Variants in ACSL3 observed in about 807,000 individuals in gnomAD.
The protein encoded by ACSL3 is acyl-CoA synthetase long chain family member 3.
ACSL3 carries 34 observed loss-of-function variants against 84.7 expected under a neutral mutation model. The ratio of observed to expected loss-of-function variants is 0.40; its 90% CI spans 0.31 to 0.53. The LOEUF is 0.53. ACSL3 is among the 20% of genes least tolerant of loss of function. The probability of loss-of-function intolerance (pLI) is 0.48; values close to 1 mark genes in which losing one functional copy is unlikely to be tolerated. For synonymous variants in ACSL3, 315 were observed against 299.4 expected (o/e 1.05, Z -0.54); for missense variants, 680 against 873.1 (o/e 0.78, Z 2.79).
At chr2:222,872,318 G>C (rs952888838) in intron 1 of ACSL3, among the ~76,000 whole-genome samples, 2 of 151,948 alleles carry the variant, frequency 1.3e-5, no homozygotes, top group African/African-American at 4.8e-5. Context: ...TAGAGACAGG[G>C]TTTTACCATG....
rs1398128288 is a variant in ACSL3 at position 222,882,990 on chromosome 2, A to C, written c.-206-4840A>C. 1.2e-4 allele frequency among the ~76,000 whole-genome samples: 3 copies of C among 25,970 alleles called. No individual in the cohort carries two copies. The East Asian group carries it at 0.012, about 103-fold the overall frequency. The allele number at this position is 25,970 out of a possible 152,430, so 17.0% of individuals were successfully genotyped here. On this transcript the variant is annotated intron_variant, in intron 1 of 16. Coordinates refer to ENST00000357430, the MANE Select transcript of ACSL3 (RefSeq NM_004457.5). ...CGCTGTGTTAGCCAGGATGGGCTCGAATCTCCTGACCTTGTGATCTGCCTG... is the reference window on the plus strand; with the variant it reads ...CGCTGTGTTAGCCAGGATGGGCTCGCATCTCCTGACCTTGTGATCTGCCTG...
In ACSL3 at chr2:222,908,935, A is replaced by C; in HGVS notation, c.163A>C (p.Ile55Leu). ...SESRQEKSNR[I>L]KAKPVNSKPD... ...GTCAAGACAAGAAAAATCAAACCGA[A>C]TTAAAGCAAAGCCTGTAAATTCAAA... The change falls in exon 4 of 17, where the codon ATT becomes CTT. Residue 55 changes from isoleucine (I) to leucine (L), a missense_variant. Coordinates refer to ENST00000357430, the MANE Select transcript of ACSL3 (RefSeq NM_004457.5). The C allele has an allele frequency of 1.2e-6, 2 of 1,613,248 alleles. No homozygotes were observed. The highest frequency in any genetic ancestry group is 1.7e-6 in the Non-Finnish European group (2 of 1,179,726).
intron 16 of ACSL3, among the ~76,000 whole-genome samples, chr2:222,936,789 C>CA (rs1408736371): frequency 9.2e-5 from 14 of 152,002 alleles, no homozygotes; most frequent in Non-Finnish European, 1.9e-4. Context: ...ACTTACTGTA[C>CA]ATTTGTGGCA....
chr2:222,940,524 A>ATTTTTTTTTTTTTTTCTTTTTTTT, intron 16 of ACSL3, among the ~76,000 whole-genome samples: 1 of 151,498 alleles, frequency 6.6e-6, no homozygotes. Context: ...TGCAGCATAT[A>ATTTTTTTTTTTTTTTCTTTTTTTT]ATGAAGTTTC....
chr2:222,891,731 G>A (rs994458717), intron 2 of ACSL3, among the ~76,000 whole-genome samples: 2 of 152,122 alleles, frequency 1.3e-5, no homozygotes, highest in Non-Finnish European at 2.9e-5. Context: ...GCTTTTTCAT[G>A]TAGATATATT....
At chr2:222,926,726 A>G (rs947185800) in intron 11 of ACSL3, among the ~76,000 whole-genome samples, 8 of 152,232 alleles carry the variant, frequency 5.3e-5, no homozygotes, top group Admixed American at 3.3e-4. Context: ...ATAATGATAT[A>G]AAAGTGGCCA....
chr2:222,868,260 T>C (rs1204307328), intron 1 of ACSL3, among the ~76,000 whole-genome samples: 1 of 152,180 alleles, frequency 6.6e-6, no homozygotes, highest in Admixed American at 6.5e-5. Flanking sequence ...ATTGCTTGGA[T>C]TGGAATCCGG....
intron 1 of ACSL3, among the ~76,000 whole-genome samples, chr2:222,880,610 C>T (rs180743071): frequency 2.9e-4 from 44 of 151,974 alleles, no homozygotes; most frequent in African/African-American, 8.9e-4. Flanking sequence ...GGGCGGATCA[C>T]GAGATCAGGA....
chr2:222,927,765 C>T (rs533514297), intron 12 of ACSL3, among the ~76,000 whole-genome samples: 15 of 152,210 alleles, frequency 9.9e-5, no homozygotes, highest in South Asian at 2.1e-4. Flanking sequence ...TTTTGCTTTC[C>T]GGTACAGGAT....
In ACSL3 at chr2:222,927,044, G is replaced by T; in HGVS notation, c.1320G>T (p.Leu440Phe). The T allele has an allele frequency of 6.2e-7, 1 of 1,613,460 alleles. No homozygotes were observed. The highest frequency in any genetic ancestry group is 8.5e-7 in the Non-Finnish European group (1 of 1,179,476). Residue 440 changes from leucine (L) to phenylalanine (F), a missense_variant, in exon 12 of 17, where the codon TTG becomes TTT. Leu to Phe is a conservative substitution (Grantham distance 22). This residue lies in a region of ACSL3 where 347 missense variants were observed against 525.7 expected (regional missense o/e 0.66). Transcript: ENST00000357430. ...DSFVFRKVRS[L>F]LGGNIRLLLC... ...TTGTTTTCCGGAAAGTTCGAAGCTT[G>T]CTAGGGGGAAATATTCGTCTCCTGT...
chr2:222,921,536 CTGTT>C, intron 8 of ACSL3, 106 bp downstream of exon 8: 2 of 1,129,690 alleles, frequency 1.8e-6, no homozygotes, highest in East Asian at 4.8e-5. Flanking sequence ...CCCTCAGAGT[CTGTT>C]TGTAGTAGGC....
intron 1 of ACSL3, among the ~76,000 whole-genome samples, chr2:222,872,483 C>A (rs924234446): frequency 1.3e-5 from 2 of 152,100 alleles, no homozygotes; most frequent in Non-Finnish European, 2.9e-5. Context: ...AATTATTATT[C>A]TTAACATCTG....
intron 15 of ACSL3, 33 bp downstream of exon 15, chr2:222,933,313 A>C (rs192599820): frequency 4.1e-6 from 6 of 1,472,990 alleles, no homozygotes; most frequent in African/African-American, 1.4e-5. Context: ...ACTTTTACTT[A>C]AAATATTTGA....
intron 4 of ACSL3, among the ~76,000 whole-genome samples, chr2:222,910,127 T>C (rs896310239): frequency 2.6e-5 from 4 of 152,226 alleles, no homozygotes; most frequent in Admixed American, 2.6e-4. Context: ...ATTAGATTAC[T>C]ATTATCTTGA....
At chr2:222,926,775 T>A (rs1696885587) in intron 11 of ACSL3, among the ~76,000 whole-genome samples, 1 of 152,164 alleles carries the variant, frequency 6.6e-6, no homozygotes. Context: ...AAACTAAACC[T>A]GACAATTCAA....
intron 2 of ACSL3, among the ~76,000 whole-genome samples, chr2:222,894,135 C>T (rs1264659891): frequency 6.6e-6 from 1 of 152,124 alleles, no homozygotes; most frequent in Non-Finnish European, 1.5e-5. Context: ...CCACTTCATA[C>T]CTTTTGGAAG....
intron 16 of ACSL3, among the ~76,000 whole-genome samples, chr2:222,935,651 T>G (rs887342689): frequency 1.3e-5 from 2 of 152,234 alleles, no homozygotes; most frequent in Non-Finnish European, 2.9e-5. Flanking sequence ...ATTTTTAATC[T>G]TTGAAGACTG....
chr2:222,865,955 T>G (rs1340447899), intron 1 of ACSL3, among the ~76,000 whole-genome samples: 9 of 152,350 alleles, frequency 5.9e-5, no homozygotes, highest in Admixed American at 2.0e-4. Context: ...TTTTCCCCTG[T>G]CCTGTCATGG....
intron 16 of ACSL3, among the ~76,000 whole-genome samples, chr2:222,940,337 A>G (rs911266322): frequency 6.6e-6 from 1 of 152,252 alleles, no homozygotes; most frequent in African/African-American, 2.4e-5. Flanking sequence ...ACAAATAGGC[A>G]TAAAGGAAAA....
Sources: allele counts gnomAD v4.1 joint callset (sites outside exome capture counted in the v4.1 genomes callset), GRCh38; gene constraint gnomAD v4.1.1; regional missense constraint gnomAD v4.1.1; transcripts MANE v1.5; gene names NCBI Gene and HGNC (gene_info 2026-07-23, HGNC 2026-07-21).